XPR1: variants seen among roughly 807,000 people sequenced by gnomAD.
XPR1 encodes solute carrier family 53 member 1.
A neutral mutation model predicts 87.5 loss-of-function variants in XPR1; 28 were observed. That is an observed-to-expected ratio of 0.32 (90% confidence interval 0.24 to 0.44). The LOEUF is 0.44. Ranked by LOEUF, XPR1 falls within the 20% of genes least tolerant of loss-of-function variation. The probability of loss-of-function intolerance (pLI) is 1.00; values close to 1 mark genes in which losing one functional copy is unlikely to be tolerated. For missense variants in XPR1, 559 were observed against 862.3 expected (o/e 0.65, Z 4.41); for synonymous variants, 300 against 306.1 (o/e 0.98, Z 0.21).
intron 11 of XPR1, among the ~76,000 whole-genome samples, chr1:180,858,819 A>G (rs1464155438): frequency 6.6e-6 from 1 of 152,202 alleles, no homozygotes; most frequent in Non-Finnish European, 1.5e-5. Context: ...CACCTGAGGG[A>G]TTAATATATG....
chr1:180,777,019 T>G (rs1246531002), intron 2 of XPR1, among the ~76,000 whole-genome samples: 1 of 152,190 alleles, frequency 6.6e-6, no homozygotes, highest in African/African-American at 2.4e-5. Flanking sequence ...GCAGTTTTAG[T>G]TAGAAATTTG....
At chr1:180,841,113 GT>G (rs918960524) in intron 11 of XPR1, among the ~76,000 whole-genome samples, 10 of 151,442 alleles carry the variant, frequency 6.6e-5, no homozygotes, top group South Asian at 2.1e-4. Context: ...TTTTACCACA[GT>G]TTTTTTTTAA....
At chr1:180,749,276 T>C (rs1016668510) in intron 2 of XPR1, among the ~76,000 whole-genome samples, 12 of 152,258 alleles carry the variant, frequency 7.9e-5, no homozygotes, top group African/African-American at 2.9e-4. Context: ...TTTTTATGTC[T>C]GTTGCTTATT....
At chr1:180,652,029 C>T (rs574978072) in intron 1 of XPR1, among the ~76,000 whole-genome samples, 12 of 152,290 alleles carry the variant, frequency 7.9e-5, no homozygotes, top group Admixed American at 2.0e-4. Flanking sequence ...TGGTGGCTCA[C>T]GCCTGTAATT....
In XPR1 at chr1:180,729,249, G is replaced by A. The variant is rs911834303; in HGVS notation, c.121+46838G>A. 1.3e-5 allele frequency among the ~76,000 whole-genome samples: 2 copies of A among 152,138 alleles called. 1 individual carries two copies. Among genetic ancestry groups the A allele is most frequent in the East Asian group, 3.9e-4 (2 of 5,190 alleles). ...TTAAAATCCAGTATACCATTGATGG[G>A]CATTTAGGTTGATTCCCTGTCTTCG... On this transcript the variant is annotated intron_variant, in intron 2 of 14. Transcript: ENST00000367590.
intron 2 of XPR1, among the ~76,000 whole-genome samples, chr1:180,780,235 G>C (rs1232952715): frequency 6.6e-6 from 1 of 152,080 alleles, no homozygotes; most frequent in Non-Finnish European, 1.5e-5. Flanking sequence ...AGGAACTACC[G>C]AACTGTTTTC....
chr1:180,862,953 G>A (rs573344238), intron 11 of XPR1, among the ~76,000 whole-genome samples: 1 of 152,134 alleles, frequency 6.6e-6, no homozygotes, highest in Admixed American at 6.5e-5. Context: ...AGTATATGAA[G>A]CAGAAATGAT....
chr1:180,663,705 C>A (rs1254025427), intron 1 of XPR1, among the ~76,000 whole-genome samples: 1 of 152,142 alleles, frequency 6.6e-6, no homozygotes, highest in African/African-American at 2.4e-5. Flanking sequence ...TGAATCCAGC[C>A]AGGCTTGTGT....
chr1:180,834,562 G>A (rs1192094982), intron 9 of XPR1, among the ~76,000 whole-genome samples: 3 of 152,216 alleles, frequency 2.0e-5, no homozygotes, highest in African/African-American at 7.2e-5. Flanking sequence ...TCAGGGGGTA[G>A]TGGCATCTCC....
intron 2 of XPR1, among the ~76,000 whole-genome samples, chr1:180,764,909 C>T (rs535828783): frequency 6.6e-6 from 1 of 151,682 alleles, no homozygotes; most frequent in Non-Finnish European, 1.5e-5. Context: ...CCTCAGCCTC[C>T]TGAGTAGCTG....
At chr1:180,648,252 G>T (rs1655184921) in intron 1 of XPR1, among the ~76,000 whole-genome samples, 1 of 152,074 alleles carries the variant, frequency 6.6e-6, no homozygotes, top group African/African-American at 2.4e-5. Flanking sequence ...CTCATTTTAG[G>T]ATTTTCTGAG....
At chr1:180,857,193 G>GT (rs1157172101) in intron 11 of XPR1, among the ~76,000 whole-genome samples, 1 of 150,572 alleles carries the variant, frequency 6.6e-6, no homozygotes, top group African/African-American at 2.5e-5. Flanking sequence ...CTGGTTCCTT[G>GT]TCAGTACCCA....
intron 1 of XPR1, among the ~76,000 whole-genome samples, chr1:180,640,322 G>A (rs1274269121): frequency 6.6e-6 from 1 of 152,196 alleles, no homozygotes; most frequent in Non-Finnish European, 1.5e-5. Context: ...ATCAGGCACT[G>A]TGGTAAGTTC....
intron 14 of XPR1, 62 bp downstream of exon 14, chr1:180,880,359 G>T: frequency 6.4e-7 from 1 of 1,572,540 alleles, no homozygotes; most frequent in Non-Finnish European, 8.7e-7. Flanking sequence ...TGGGTAGCAT[G>T]TAAGCTAAAA....
chr1:180,638,443 A>G (rs1654857303), intron 1 of XPR1, among the ~76,000 whole-genome samples: 1 of 152,088 alleles, frequency 6.6e-6, no homozygotes, highest in Non-Finnish European at 1.5e-5. Context: ...GGAATGAGAG[A>G]GTGTCAGACT....
At chr1:180,728,404 A>G (rs1305113439) in intron 2 of XPR1, among the ~76,000 whole-genome samples, 3 of 152,086 alleles carry the variant, frequency 2.0e-5, no homozygotes, top group Non-Finnish European at 4.4e-5. Flanking sequence ...CTTGAAAGGA[A>G]AATGCAATTA....
chr1:180,820,788 T>C (rs1164192162), intron 7 of XPR1, among the ~76,000 whole-genome samples: 1 of 152,220 alleles, frequency 6.6e-6, no homozygotes, highest in East Asian at 1.9e-4. Context: ...TATCTCATTG[T>C]GGTTTTAATT....
intron 1 of XPR1, among the ~76,000 whole-genome samples, chr1:180,679,723 A>G (rs999676076): frequency 1.3e-5 from 2 of 152,220 alleles, no homozygotes. Context: ...AAACAAAAAC[A>G]AAAACAAACT....
intron 11 of XPR1, among the ~76,000 whole-genome samples, chr1:180,862,180 A>AT (rs536089833): frequency 3.2e-4 from 47 of 146,874 alleles, no homozygotes; most frequent in East Asian, 7.8e-4. Context: ...CAAGGCAACT[A>AT]TTTTTTTTTT....
Sources: gnomAD v4.1 joint callset for allele counts (sites outside exome capture counted in the v4.1 genomes callset) on GRCh38, gnomAD v4.1.1 for gene constraint, MANE v1.5 for transcripts, NCBI Gene and HGNC (gene_info 2026-07-23, HGNC 2026-07-21) for gene names.